The following CSGALNACT1 variants were observed in gnomAD, a reference collection of about 807,000 sequenced individuals.
The protein encoded by CSGALNACT1 is beta4GalNAcT-1.
CSGALNACT1 carries 52 observed loss-of-function variants against 51.0 expected under a neutral mutation model. The observed-to-expected ratio is 1.02, with a 90% CI of 0.82 to 1.29. The LOEUF (loss-of-function observed/expected upper bound fraction) is 1.29, where lower values mean the gene tolerates loss of function less well. Among genes scored for constraint, CSGALNACT1 ranks in the 50% most tolerant of loss-of-function variants. CSGALNACT1 has a pLI of 0.00. For synonymous variants in CSGALNACT1, 341 were observed against 254.4 expected (o/e 1.34, Z -3.24); for missense variants, 935 against 679.2 (o/e 1.38, Z -4.19).
intron 6 of CSGALNACT1, among the ~76,000 whole-genome samples, chr8:19,436,418 C>A (rs1047173283): frequency 1.3e-5 from 2 of 152,188 alleles, no homozygotes; most frequent in Non-Finnish European, 2.9e-5. Context: ...GTAACGACCT[C>A]ATTAAGCCTC....
chr8:19,728,901 T>C (rs1354049838), intron 1 of CSGALNACT1, among the ~76,000 whole-genome samples: 2 of 152,098 alleles, frequency 1.3e-5, no homozygotes, highest in Non-Finnish European at 2.9e-5. Flanking sequence ...AATAAAATTG[T>C]CCTTCAAGCA....
At position 19,497,241 on chromosome 8, in the gene CSGALNACT1, T is replaced by C. The variant is rs143809313; in HGVS notation, c.634+7960A>G. On this transcript the variant is annotated intron_variant, in intron 4 of 9. Coordinates refer to ENST00000454498, the Ensembl canonical transcript of CSGALNACT1. ...CTGTGAATAACAAGAAACAGCAGAA[T>C]ATTGCTGGGAGTGAGAGAGGAGAGA... 3.9e-4 allele frequency among the ~76,000 whole-genome samples: 60 copies of C among 152,264 alleles called. 1 individual carries two copies. Among genetic ancestry groups the C allele is most frequent in the Admixed American group, 2.7e-3 (42 of 15,296 alleles).
At chr8:19,540,981 G>A (rs1467791032) in intron 3 of CSGALNACT1, among the ~76,000 whole-genome samples, 1 of 152,050 alleles carries the variant, frequency 6.6e-6, no homozygotes, top group Non-Finnish European at 1.5e-5. Context: ...CCAGACTGTA[G>A]GTCATTTAAA....
chr8:19,710,135 C>G (rs531846798), intron 1 of CSGALNACT1, among the ~76,000 whole-genome samples: 1 of 152,302 alleles, frequency 6.6e-6, no homozygotes, highest in East Asian at 1.9e-4. Context: ...TGGAAATTAT[C>G]TGTGACTTCT....
At chr8:19,425,905 C>T (rs1032945460) in intron 6 of CSGALNACT1, among the ~76,000 whole-genome samples, 17 of 152,176 alleles carry the variant, frequency 1.1e-4, no homozygotes, top group Non-Finnish European at 2.4e-4. Context: ...ATCACCGCCC[C>T]TCCTGTGCCT....
intron 1 of CSGALNACT1, among the ~76,000 whole-genome samples, chr8:19,699,517 G>A (rs1386691712): frequency 1.3e-5 from 2 of 152,212 alleles, no homozygotes; most frequent in African/African-American, 4.8e-5. Flanking sequence ...ATCTGATGCT[G>A]AGTAAAATAA....
At chr8:19,551,149 G>A (rs771295765) in intron 3 of CSGALNACT1, among the ~76,000 whole-genome samples, 1 of 152,166 alleles carries the variant, frequency 6.6e-6, no homozygotes, top group African/African-American at 2.4e-5. Flanking sequence ...AACAACTGAA[G>A]AAGAAAAGAG....
intron 5 of CSGALNACT1, among the ~76,000 whole-genome samples, chr8:19,451,251 T>C (rs1321901890): frequency 6.6e-6 from 1 of 152,170 alleles, no homozygotes; most frequent in African/African-American, 2.4e-5. Context: ...GTTTTACCCC[T>C]TTCTCCTTGC....
intron 1 of CSGALNACT1, among the ~76,000 whole-genome samples, chr8:19,717,555 T>C (rs7002401): frequency 0.46 from 70,302 of 151,944 alleles, 16,754 homozygotes; most frequent in East Asian, 0.66. Flanking sequence ...CCATAACGAA[T>C]GGTCCCACCA....
intron 1 of CSGALNACT1, among the ~76,000 whole-genome samples, chr8:19,650,915 A>C (rs1392225378): frequency 1.3e-5 from 2 of 152,148 alleles, no homozygotes; most frequent in African/African-American, 4.8e-5. Context: ...TAGCAATTTT[A>C]ACTGTTCAAA....
intron 5 of CSGALNACT1, among the ~76,000 whole-genome samples, chr8:19,446,806 G>A (rs1474495361): frequency 6.6e-6 from 1 of 152,140 alleles, no homozygotes; most frequent in African/African-American, 2.4e-5. Context: ...GAGCCGCCAT[G>A]TCCGGCCTGA....
chr8:19,493,912 G>C (rs2074942070), intron 4 of CSGALNACT1, among the ~76,000 whole-genome samples: 1 of 151,128 alleles, frequency 6.6e-6, no homozygotes, highest in Admixed American at 6.6e-5. Context: ...ACACATCTAG[G>C]AGTGGAACTG....
intron 1 of CSGALNACT1, among the ~76,000 whole-genome samples, chr8:19,635,820 C>T (rs912637328): frequency 1.3e-5 from 2 of 152,096 alleles, no homozygotes; most frequent in Admixed American, 6.6e-5. Flanking sequence ...CTCTGCCTCC[C>T]GGGTTCAAGC....
chr8:19,415,129 A>G (rs112820077), intron 8 of CSGALNACT1, among the ~76,000 whole-genome samples: 30 of 152,312 alleles, frequency 2.0e-4, no homozygotes, highest in African/African-American at 7.0e-4. Flanking sequence ...GAGCTCTGCC[A>G]CTAGCTAGCT....
chr8:19,621,245 G>A (rs2053785883), intron 1 of CSGALNACT1, among the ~76,000 whole-genome samples: 1 of 152,040 alleles, frequency 6.6e-6, no homozygotes, highest in Non-Finnish European at 1.5e-5. Flanking sequence ...GAGGTGTGCT[G>A]GCAAATGTTT....
chr8:19,458,154 T>G (rs145320413), intron 5 of CSGALNACT1, among the ~76,000 whole-genome samples: 1 of 152,206 alleles, frequency 6.6e-6, no homozygotes, highest in Non-Finnish European at 1.5e-5. Context: ...AGAATGAACA[T>G]AACAGGCATT....
At chr8:19,440,237 C>A (rs976704537) in intron 5 of CSGALNACT1, among the ~76,000 whole-genome samples, 1 of 152,172 alleles carries the variant, frequency 6.6e-6, no homozygotes, top group East Asian at 1.9e-4. Context: ...GGAATTGGGT[C>A]CTTGGGGTCC....
At chr8:19,425,993 C>A (rs920236134) in intron 6 of CSGALNACT1, among the ~76,000 whole-genome samples, 2 of 152,170 alleles carry the variant, frequency 1.3e-5, no homozygotes, top group African/African-American at 2.4e-5. Context: ...TGTCCTGGTG[C>A]CTTCAAGTGC....
intron 8 of CSGALNACT1, among the ~76,000 whole-genome samples, chr8:19,416,879 T>G (rs529512920): frequency 1.3e-3 from 192 of 151,990 alleles, no homozygotes; most frequent in African/African-American, 4.2e-3. Context: ...TTTTTTTTCT[T>G]TGAGACAGGG....
Sources: allele counts gnomAD v4.1 joint callset (sites outside exome capture counted in the v4.1 genomes callset), GRCh38; gene constraint gnomAD v4.1.1; transcripts MANE v1.5; gene names NCBI Gene and HGNC (gene_info 2026-07-23, HGNC 2026-07-21).